Variants in CTBP2 observed in about 807,000 individuals in gnomAD.
CTBP2 encodes the protein C-terminal binding protein 2.
CTBP2 carries 30 observed loss-of-function variants against 80.3 expected under a neutral mutation model. That is an observed-to-expected ratio of 0.37 (90% CI 0.28 to 0.51). CTBP2 has a LOEUF of 0.51. Among genes scored for constraint, CTBP2 ranks in the 20% least tolerant of loss-of-function variants. CTBP2 has a pLI of 0.93. For missense variants in CTBP2, 1,212 were observed against 1,375.3 expected (o/e 0.88, Z 1.88); for synonymous variants, 594 against 587.4 (o/e 1.01, Z -0.16).
intron 2 of CTBP2, among the ~76,000 whole-genome samples, chr10:125,040,989 GATCA>G (rs1959572497): frequency 6.6e-6 from 1 of 152,244 alleles, no homozygotes; most frequent in Non-Finnish European, 1.5e-5. Context: ...GACCATATCG[GATCA>G]GTCAGGAGAT....
chr10:125,102,744 T>C (rs1011626967), intron 2 of CTBP2, among the ~76,000 whole-genome samples: 4 of 152,216 alleles, frequency 2.6e-5, no homozygotes, highest in Admixed American at 2.6e-4. Context: ...AAACACCAGC[T>C]TCCAGGCCTC....
chr10:125,085,170 T>C (rs1450388939), intron 2 of CTBP2, among the ~76,000 whole-genome samples: 1 of 152,194 alleles, frequency 6.6e-6, no homozygotes, highest in Non-Finnish European at 1.5e-5. Flanking sequence ...TGAGGCGGAT[T>C]GCAAACAGCT....
intron 2 of CTBP2, among the ~76,000 whole-genome samples, chr10:125,073,157 T>A (rs1022495861): frequency 1.3e-5 from 2 of 152,236 alleles, no homozygotes; most frequent in African/African-American, 4.8e-5. Context: ...ACATTTTACA[T>A]CATCTTTCTT....
rs1952007223 is a variant in CTBP2, at chr10:124,985,249, TG to T, written c.*4268del. 1 of 396,950 alleles carries T rather than the reference TG, an allele frequency of 2.5e-6. No individual in the cohort carries two copies. The highest frequency in any genetic ancestry group is 2.0e-5 in the African/African-American group (1 of 49,302). The allele number at this position is 396,950 out of a possible 1,614,324, so 24.6% of individuals were successfully genotyped here. A position where few individuals can be genotyped will look rare whatever the true frequency, so the allele number is the denominator to read the frequency against. The stretch of plus-strand genomic sequence containing the variant: ...GACAGAACTTTTTTTCCTTCCAAAT[TG>T]TAAATCTGTCTATAAATGTAACGCA... On this transcript the variant is annotated 3_prime_UTR_variant, in exon 9 of 9. Transcript: ENST00000309035.
rs967670088 is a variant in CTBP2, at chr10:125,027,384, G to T, written c.376C>A (p.Leu126Ile). ...CGGCTGACTCCTGGGTCCCGATAGA[G>T]GGGAGGCTCTTTGGGTACCCTAGCA... is the stretch of plus-strand genomic sequence containing the variant. The change falls in exon 1 of 9, where the codon CTC becomes ATC. Residue 126 changes from leucine to isoleucine, a missense_variant. Leu to Ile is a conservative substitution (Grantham distance 5, BLOSUM62 2). This residue lies in a region of CTBP2 where 848 missense variants were observed against 782.3 expected (regional missense o/e 1.08). Coordinates refer to ENST00000309035, the MANE Select transcript of CTBP2 (RefSeq NM_022802.3). The T allele has an allele frequency of 6.2e-7, 1 of 1,613,620 alleles. No homozygotes were observed. Among genetic ancestry groups the T allele is most frequent in the Non-Finnish European group, 8.5e-7 (1 of 1,179,998 alleles).
intron 1 of CTBP2, among the ~76,000 whole-genome samples, chr10:125,146,255 G>C (rs1483392843): frequency 1.3e-5 from 2 of 149,840 alleles, no homozygotes; most frequent in South Asian, 2.1e-4. Flanking sequence ...TTATAGGTGT[G>C]AGCCACCATG....
intron 2 of CTBP2, among the ~76,000 whole-genome samples, chr10:125,063,874 G>C (rs1361960306): frequency 6.6e-6 from 1 of 152,200 alleles, no homozygotes; most frequent in Non-Finnish European, 1.5e-5. Flanking sequence ...GACACCCCGT[G>C]TAGGGACCCC....
At chr10:125,158,480 T>C (rs1193370013) in intron 1 of CTBP2, among the ~76,000 whole-genome samples, 1 of 152,154 alleles carries the variant, frequency 6.6e-6, no homozygotes, top group Non-Finnish European at 1.5e-5. Flanking sequence ...GAATTGCAAA[T>C]AAGGCGTTTA....
chr10:125,036,668 G>GGGT (rs1258371613), intron 3 of CTBP2, among the ~76,000 whole-genome samples: 1 of 119,284 alleles, frequency 8.4e-6, no homozygotes, highest in Non-Finnish European at 1.7e-5. Flanking sequence ...AGCTAGAGGG[G>GGGT]GTGTGTGTGT....
chr10:125,047,813 T>A (rs1961653433), intron 2 of CTBP2, among the ~76,000 whole-genome samples: 1 of 152,228 alleles, frequency 6.6e-6, no homozygotes, highest in Non-Finnish European at 1.5e-5. Flanking sequence ...TCCTAACTTT[T>A]AATTATTTAG....
chr10:125,057,551 G>A (rs1477361878), intron 2 of CTBP2, among the ~76,000 whole-genome samples: 6 of 152,226 alleles, frequency 3.9e-5, no homozygotes, highest in Admixed American at 3.9e-4. Context: ...CGTTTTTGCT[G>A]TGAGTGCGTA....
At position 125,129,487 on chromosome 10, in the gene CTBP2, C is replaced by T. The variant is rs191608118; in HGVS notation, c.-205-18394G>A. ...CAGGTTGACCTTAGGTCATGAGACC[C>T]GTGCTCCAGGTGAAGATCTGAAATT... On this transcript the variant is annotated intron_variant, in intron 1 of 10. Transcript: ENST00000337195. Among the ~76,000 whole-genome samples, 35 of 152,230 alleles carry T rather than the reference C, an allele frequency of 2.3e-4. No homozygotes were observed. The East Asian group carries it at 6.2e-3, about 27-fold the overall frequency.
intron 1 of CTBP2, among the ~76,000 whole-genome samples, chr10:125,012,082 C>A (rs1201197351): frequency 6.6e-6 from 1 of 152,240 alleles, no homozygotes; most frequent in Non-Finnish European, 1.5e-5. Context: ...AGGGACATCA[C>A]CAAAAACGGC....
Position 124,993,913 on chromosome 10 carries a change from G to C in CTBP2, c.2473C>G (p.Leu825Val). The C allele has an allele frequency of 6.2e-7, 1 of 1,614,186 alleles. No homozygotes were observed. The highest frequency in any genetic ancestry group is 8.5e-7 in the Non-Finnish European group (1 of 1,180,044). ...GCCCCTCGTATCCTGCCCTCCTTGA[G>C]GGCTTGTGCTAAGGCTTTCTCGTCC... The change falls in exon 6 of 9, where the codon CTC (leucine) becomes GTC (valine). Residue 825 changes from leucine to valine, a missense_variant. Transcript: ENST00000309035.
At chr10:124,999,596 C>CA (rs1485106415) in intron 3 of CTBP2, 1 of 152,292 alleles carries the variant, frequency 6.6e-6, no homozygotes, top group African/African-American at 2.4e-5. Context: ...GTCACCCACC[C>CA]ACCCAACGTG....
intron 1 of CTBP2, among the ~76,000 whole-genome samples, chr10:125,159,176 G>A (rs1468261485): frequency 1.3e-5 from 2 of 151,092 alleles, no homozygotes; most frequent in African/African-American, 4.8e-5. Flanking sequence ...GCTGGGAGGA[G>A]GAGGAACCGC....
intron 1 of CTBP2, chr10:125,025,956 T>G (rs112962148): frequency 2.2e-5 from 28 of 1,258,530 alleles, no homozygotes; most frequent in Non-Finnish European, 2.8e-5. Flanking sequence ...TCCTTCTTGT[T>G]TGGTGGTGTG....
At chr10:125,092,676 A>G (rs1848956996) in intron 2 of CTBP2, among the ~76,000 whole-genome samples, 1 of 152,172 alleles carries the variant, frequency 6.6e-6, no homozygotes, top group Non-Finnish European at 1.5e-5. Flanking sequence ...GTGGAGTAGA[A>G]CAGAGTGGTG....
Position 124,984,716 on chromosome 10 carries a change from C to A in CTBP2, c.*4802G>T. Reference sequence around the variant, plus strand: ...AGCTGTAGGTTTCCATGTCACATTCCTACCAAGTCTCTGATCTGTTGTATG... The same window carrying A: ...AGCTGTAGGTTTCCATGTCACATTCATACCAAGTCTCTGATCTGTTGTATG... On this transcript the variant is annotated 3_prime_UTR_variant, in exon 9 of 9. Coordinates refer to ENST00000309035, the MANE Select transcript of CTBP2 (RefSeq NM_022802.3). 6.5e-7 allele frequency: 1 copy of A among 1,545,042 alleles called. No homozygotes were observed. Among genetic ancestry groups the A allele is most frequent in the South Asian group, 1.2e-5 (1 of 82,672 alleles).
Sources: allele counts gnomAD v4.1 joint callset (sites outside exome capture counted in the v4.1 genomes callset), GRCh38; gene constraint gnomAD v4.1.1; regional missense constraint gnomAD v4.1.1; transcripts MANE v1.5; gene names NCBI Gene and HGNC (gene_info 2026-07-23, HGNC 2026-07-21).